Variants in CACNB1 observed in about 807,000 individuals in gnomAD.
CACNB1 encodes the protein calcium voltage-gated channel auxiliary subunit beta 1.
CACNB1 carries 29 observed loss-of-function variants against 71.6 expected under a neutral mutation model. The ratio of observed to expected loss-of-function variants is 0.40; its 90% confidence interval spans 0.30 to 0.55. The LOEUF is 0.55. Ranked by LOEUF, CACNB1 falls within the 20% of genes least tolerant of loss-of-function variation. CACNB1 has a pLI of 0.38. For synonymous variants in CACNB1, 300 were observed against 319.6 expected (o/e 0.94, Z 0.65); for missense variants, 623 against 801.8 (o/e 0.78, Z 2.69).
chr17:39,196,849 G>A (rs975450231), intron 1 of CACNB1, among the ~76,000 whole-genome samples: 2 of 151,946 alleles, frequency 1.3e-5, no homozygotes, highest in Non-Finnish European at 2.9e-5. Context: ...CCGACATAGA[G>A]ATGGAGCCCA....
Position 39,174,046 on chromosome 17 carries a change from C to CTTTCA in CACNB1, c.*1146_*1147insTGAAA. ...CTGAGGCGGGCAGCCGGGCAGGCCC[C>CTTTCA]AGTCCTTGTTGGCACACTCGGCTCT... On this transcript the variant is annotated 3_prime_UTR_variant, in exon 14 of 14. Transcript: ENST00000394303. 6.5e-6 allele frequency: 1 copy of CTTTCA among 152,820 alleles called. No individual in the cohort carries two copies. Among genetic ancestry groups the CTTTCA allele is most frequent in the Non-Finnish European group, 1.5e-5 (1 of 68,144 alleles). 9.5% of individuals were successfully genotyped at this position (152,820 alleles called of 1,614,324 possible).
chr17:39,188,988 AG>A (rs1298981859), intron 3 of CACNB1, among the ~76,000 whole-genome samples: 6 of 152,076 alleles, frequency 3.9e-5, no homozygotes, highest in African/African-American at 1.2e-4. Flanking sequence ...GGTTGCAGTG[AG>A]CTGAGATGGT....
At chr17:39,191,341 A>C in intron 3 of CACNB1, 133 bp downstream of exon 3, 1 of 766,928 alleles carries the variant, frequency 1.3e-6, no homozygotes, top group Non-Finnish European at 2.1e-6. Context: ...CAGGTGAAGG[A>C]CAGAGGAGCA....
At chr17:39,190,488 T>C (rs1457110338) in intron 3 of CACNB1, among the ~76,000 whole-genome samples, 1 of 152,084 alleles carries the variant, frequency 6.6e-6, no homozygotes, top group Non-Finnish European at 1.5e-5. Context: ...AGTGCAGTGG[T>C]GCGATCTCAG....
At chr17:39,191,956 C>A in intron 2 of CACNB1, 1 of 288,226 alleles carries the variant, frequency 3.5e-6, no homozygotes. Flanking sequence ...CCCCCAGCAC[C>A]CGCTGAGATA....
chr17:39,179,241 A>ACTGCACTC (rs1344884248), intron 11 of CACNB1, among the ~76,000 whole-genome samples: 6 of 145,064 alleles, frequency 4.1e-5, no homozygotes, highest in African/African-American at 1.6e-4. Context: ...AGATGGTGCC[A>ACTGCACTC]CTGCACTCCA....
intron 3 of CACNB1, among the ~76,000 whole-genome samples, chr17:39,188,355 T>C (rs947748768): frequency 6.6e-6 from 1 of 150,946 alleles, no homozygotes; most frequent in Admixed American, 6.6e-5. Context: ...GCAGGTGGAT[T>C]CATGAGGTCA....
intron 4 of CACNB1, 179 bp downstream of exon 4, chr17:39,187,300 G>T: frequency 1.4e-6 from 1 of 723,054 alleles, no homozygotes; most frequent in Non-Finnish European, 2.3e-6. Flanking sequence ...TCTGACCTAA[G>T]CATTACCACC....
chr17:39,177,352 G>A lies in CACNB1; in HGVS notation c.1330C>T (p.Gln444Ter). The A allele has an allele frequency of 2.5e-6, 4 of 1,613,216 alleles. No individual in the cohort carries two copies. The highest frequency in any genetic ancestry group is 3.4e-6 in the Non-Finnish European group (4 of 1,179,690). The change falls in exon 13 of 14, where the codon CAG becomes TAG. Residue 444 changes from glutamine (Q) to a stop codon, truncating the protein, a stop_gained and splice_region_variant. Transcript: ENST00000394303. LOFTEE classifies it high-confidence loss of function. ...AASPAPVSNL[Q>*]GPYLASGDQP... Reference sequence around the variant, plus strand: ...CTGAGCGAGGTGAGCACCTGTACCTGGAGGTTGGAGACAGGGGCAGGGCTG... The same window carrying A: ...CTGAGCGAGGTGAGCACCTGTACCTAGAGGTTGGAGACAGGGGCAGGGCTG...
At chr17:39,177,238 G>T (rs1463273427) in intron 13 of CACNB1, 112 bp downstream of exon 13, 1 of 1,574,348 alleles carries the variant, frequency 6.4e-7, no homozygotes. Flanking sequence ...GACGGGCAGG[G>T]CGCCCACTAC....
intron 6 of CACNB1, chr17:39,185,929 C>G: frequency 6.2e-7 from 1 of 1,606,204 alleles, no homozygotes; most frequent in Non-Finnish European, 8.5e-7. Flanking sequence ...CCACCTCTTG[C>G]AAGAACACAG....
chr17:39,185,819 C>T, intron 6 of CACNB1: 2 of 950,656 alleles, frequency 2.1e-6, no homozygotes, highest in Non-Finnish European at 1.6e-6. Flanking sequence ...CCCTTCCCTC[C>T]ACCTCAGCAG....
chr17:39,185,920 C>G, intron 6 of CACNB1: 1 of 1,601,090 alleles, frequency 6.2e-7, no homozygotes, highest in Non-Finnish European at 8.5e-7. Context: ...CTGACTCCCC[C>G]ACCTCTTGCA....
chr17:39,194,937 G>C lies in CACNB1; in HGVS notation c.118C>G (p.Arg40Gly). Residue 40 changes from arginine (R) to glycine (G), a missense_variant, in exon 2 of 14, where the codon CGG becomes GGG. Transcript: ENST00000394303. The surrounding 1 kb of genome is among the most constrained non-coding windows in gnomAD (Gnocchi z 4.6). ...TCCGAGGACGTGCTCCCATCTGACC[G>C]TTTGAATCGCCCTTTCCTCTTGCTG... ...KYSKRKGRFK[R>G]SDGSTSSDTT... 8.7e-6 allele frequency: 14 copies of C among 1,613,310 alleles called. No individual in the cohort carries two copies. The highest frequency in any genetic ancestry group is 1.2e-5 in the Non-Finnish European group (14 of 1,179,422).
At chr17:39,185,171 GA>G in intron 6 of CACNB1, 21 bp from the exon 7 acceptor site, 2 of 1,611,442 alleles carry the variant, frequency 1.2e-6, no homozygotes, top group Non-Finnish European at 1.7e-6. Context: ...AGATTGCCAA[GA>G]GAGGGAAGGG....
At chr17:39,177,221 GAGGGAAGACGGGC>G in intron 13 of CACNB1, 116 bp downstream of exon 13, 1 of 1,554,592 alleles carries the variant, frequency 6.4e-7, no homozygotes, top group Middle Eastern at 1.7e-4. Context: ...CCCAGAGCAG[GAGGGAAGACGGGC>G]AGGGCGCCCA....
intron 2 of CACNB1, chr17:39,191,934 T>G: frequency 9.6e-6 from 3 of 311,962 alleles, no homozygotes; most frequent in East Asian, 2.2e-4. Context: ...CCACTGCTCC[T>G]TCCCTCCCCT....
rs2045542886 is a variant in CACNB1, at chr17:39,175,129, G to T, written c.*64C>A. On this transcript the variant is annotated 3_prime_UTR_variant, in exon 14 of 14. Coordinates refer to ENST00000394303, the MANE Select transcript of CACNB1 (RefSeq NM_000723.5). The surrounding 1 kb of genome is among the most constrained non-coding windows in gnomAD (Gnocchi z 4.7). ...GGAGGCGAATACATGTCAGGTGTGAGCCCCTCGCTCCCTCCCCTCCCCTGG... is the reference window on the plus strand; with the variant it reads ...GGAGGCGAATACATGTCAGGTGTGATCCCCTCGCTCCCTCCCCTCCCCTGG... 7.6e-7 allele frequency: 1 copy of T among 1,320,894 alleles called. No individual in the cohort carries two copies. The highest frequency in any genetic ancestry group is 1.1e-6 in the Non-Finnish European group (1 of 946,318). 81.8% of individuals were successfully genotyped at this position (1,320,894 alleles called of 1,614,324 possible). A position where few individuals can be genotyped will look rare whatever the true frequency, so the allele number is the denominator to read the frequency against.
chr17:39,194,703 A>T lies in CACNB1; in HGVS notation c.171+181T>A, dbSNP rs1026937647. On this transcript the variant is annotated intron_variant, in intron 2 of 13. Coordinates refer to ENST00000394303, the MANE Select transcript of CACNB1 (RefSeq NM_000723.5). The surrounding 1 kb of genome is among the most constrained non-coding windows in gnomAD (Gnocchi z 4.6). ...GCCGGGCAGGGGCGGGGGCTGAGCG[A>T]GTGGGTGCCGCTGACAGCACATCCA... Among the ~76,000 whole-genome samples, 1 of 151,902 alleles carries T rather than the reference A, an allele frequency of 6.6e-6. No homozygotes were observed. The highest frequency in any genetic ancestry group is 1.5e-5 in the Non-Finnish European group (1 of 67,958).
Sources: allele counts gnomAD v4.1 joint callset (sites outside exome capture counted in the v4.1 genomes callset), GRCh38; gene constraint gnomAD v4.1.1; non-coding constraint Gnocchi (gnomAD v3.1); transcripts MANE v1.5; gene names NCBI Gene and HGNC (gene_info 2026-07-23, HGNC 2026-07-21).